MAPK4: variants seen among roughly 807,000 people sequenced by gnomAD.
MAPK4 encodes the protein mitogen-activated protein kinase 4.
Under a neutral mutation model 47.7 loss-of-function variants are expected in MAPK4, and 22 were observed. The observed-to-expected ratio is 0.46, with a 90% CI of 0.33 to 0.66. The LOEUF is 0.66. Ranked by LOEUF, MAPK4 falls within the 30% of genes least tolerant of loss-of-function variation. MAPK4 has a pLI of 0.02. For missense variants in MAPK4, 736 were observed against 831.7 expected (o/e 0.88, Z 1.42); for synonymous variants, 390 against 365.7 (o/e 1.07, Z -0.76).
At chr18:50,720,929 G>A (rs982472520) in intron 3 of MAPK4, among the ~76,000 whole-genome samples, 1 of 152,220 alleles carries the variant, frequency 6.6e-6, no homozygotes, top group African/African-American at 2.4e-5. Flanking sequence ...CTCATCCTAG[G>A]CTGGATGACT....
rs1418820752 is a variant in MAPK4, at chr18:50,605,521, T to TA, written c.-871+45279dup. 3.3e-5 allele frequency among the ~76,000 whole-genome samples: 5 copies of TA among 152,368 alleles called. No homozygotes were observed. In the East Asian group the frequency reaches 9.6e-4, roughly 29 times the overall value. ...CTTCCACCTTGCAAGAGAAACTCTT[T>TA]ATGCCCCTGCTCCTATGGCCAGCGT... On this transcript the variant is annotated intron_variant, in intron 1 of 5. Coordinates refer to ENST00000400384, the MANE Select transcript of MAPK4 (RefSeq NM_002747.4).
Position 50,729,847 on chromosome 18 carries a change from G to A in MAPK4, c.1757G>A (p.Arg586Lys). 6.2e-7 allele frequency: 1 copy of A among 1,609,770 alleles called. No homozygotes were observed. Among genetic ancestry groups the A allele is most frequent in the Non-Finnish European group, 8.5e-7 (1 of 1,178,282 alleles). The change falls in exon 6 of 6, where the codon AGG (arginine) becomes AAG (lysine). Residue 586 changes from arginine to lysine, a missense_variant. Transcript: ENST00000400384. ...CAGACCGAGGCCTTCTCCAAAGAAA[G>A]GTGGTGAGGGCGGAGGGGCCGCTCC... is the stretch of plus-strand genomic sequence containing the variant. ...LVQTEAFSKE[R>K]W is the part of the protein sequence containing the mutation.
intron 1 of MAPK4, among the ~76,000 whole-genome samples, chr18:50,655,390 C>G (rs547672127): frequency 2.6e-5 from 4 of 152,152 alleles, no homozygotes; most frequent in African/African-American, 9.6e-5. Flanking sequence ...GGGAGTGGTG[C>G]TGGGCATGAG....
At chr18:50,669,751 C>T (rs1196932940) in intron 2 of MAPK4, 1 of 152,258 alleles carries the variant, frequency 6.6e-6, no homozygotes, top group African/African-American at 2.4e-5. Context: ...TGGTATAATA[C>T]AAGTTACTTT....
In MAPK4 at chr18:50,681,117, GGT is replaced by G. The variant is rs543981806; in HGVS notation, c.546+16616_546+16617del. Among the ~76,000 whole-genome samples, 8 of 152,016 alleles carry G rather than the reference GGT, an allele frequency of 5.3e-5. No individual in the cohort carries two copies. The South Asian group carries it at 1.7e-3, about 32-fold the overall frequency. ...TTAGCCATCCTAGTGGATGTGAAGT[GGT>G]GTTTCATTGTGGTTTTGATTTGCAT... On this transcript the variant is annotated intron_variant, in intron 2 of 5. Transcript: ENST00000400384.
chr18:50,630,482 T>C (rs1288003896), intron 1 of MAPK4, among the ~76,000 whole-genome samples: 1 of 152,138 alleles, frequency 6.6e-6, no homozygotes, highest in Non-Finnish European at 1.5e-5. Flanking sequence ...AGCCACTGCA[T>C]CTGGCCTGTT....
chr18:50,646,953 T>C (rs982664938), intron 1 of MAPK4, among the ~76,000 whole-genome samples: 5 of 152,344 alleles, frequency 3.3e-5, no homozygotes, highest in Non-Finnish European at 7.3e-5. Context: ...TCCTGTACTT[T>C]TCCATCATAT....
chr18:50,561,350 A>G (rs1358902255), intron 1 of MAPK4, among the ~76,000 whole-genome samples: 1 of 152,182 alleles, frequency 6.6e-6, no homozygotes, highest in Non-Finnish European at 1.5e-5. Context: ...ATCTTAAATA[A>G]CCTTAATGTA....
chr18:50,650,900 G>A (rs1380053255), intron 1 of MAPK4, among the ~76,000 whole-genome samples: 1 of 152,240 alleles, frequency 6.6e-6, no homozygotes, highest in East Asian at 1.9e-4. Context: ...TTTGCTGGCT[G>A]GATCAGGTTC....
chr18:50,706,717 C>T (rs1910078189), intron 2 of MAPK4, among the ~76,000 whole-genome samples: 1 of 152,132 alleles, frequency 6.6e-6, no homozygotes, highest in Non-Finnish European at 1.5e-5. Flanking sequence ...TGCTAATGCC[C>T]CACAGAGGAG....
chr18:50,708,190 T>A (rs988306447), intron 2 of MAPK4, among the ~76,000 whole-genome samples: 2 of 152,014 alleles, frequency 1.3e-5, no homozygotes, highest in African/African-American at 4.8e-5. Context: ...TTAAAAAAGG[T>A]TTCTCACGTG....
chr18:50,683,464 G>GTGTGTA (rs931248919), intron 2 of MAPK4, among the ~76,000 whole-genome samples: 1 of 151,390 alleles, frequency 6.6e-6, no homozygotes, highest in African/African-American at 2.4e-5. Flanking sequence ...GTGTGTGTGT[G>GTGTGTA]TGTGTGTGTG....
At chr18:50,667,519 G>A (rs986796140) in intron 2 of MAPK4, among the ~76,000 whole-genome samples, 4 of 152,156 alleles carry the variant, frequency 2.6e-5, no homozygotes, top group Admixed American at 1.3e-4. Context: ...TGTGCTTGGA[G>A]GATGCTGTCT....
At chr18:50,626,963 T>C (rs1263410600) in intron 1 of MAPK4, among the ~76,000 whole-genome samples, 1 of 152,108 alleles carries the variant, frequency 6.6e-6, no homozygotes, top group African/African-American at 2.4e-5. Flanking sequence ...GCAAGACAAA[T>C]GGGTGTTGTC....
chr18:50,590,112 CCT>C (rs1039978765), intron 1 of MAPK4, among the ~76,000 whole-genome samples: 1 of 152,166 alleles, frequency 6.6e-6, no homozygotes, highest in African/African-American at 2.4e-5. Flanking sequence ...AGTGTTTCTC[CCT>C]GTCTTCCACA....
At chr18:50,631,892 A>G (rs928067057) in intron 1 of MAPK4, among the ~76,000 whole-genome samples, 8 of 152,272 alleles carry the variant, frequency 5.3e-5, no homozygotes, top group African/African-American at 1.9e-4. Context: ...AATCTTTATC[A>G]GCAAGGAACA....
chr18:50,713,255 A>G (rs1171165658), intron 2 of MAPK4, among the ~76,000 whole-genome samples: 2 of 152,246 alleles, frequency 1.3e-5, no homozygotes, highest in Non-Finnish European at 2.9e-5. Context: ...TGTAAATTAT[A>G]CTTCAATAAA....
In MAPK4 at chr18:50,713,680, G is replaced by C. The variant is rs188740509; in HGVS notation, c.547-1399G>C. Among the ~76,000 whole-genome samples, 110 of 152,374 alleles carry C rather than the reference G, an allele frequency of 7.2e-4. 1 individual carries two copies. Among genetic ancestry groups the C allele is most frequent in the South Asian group, 2.3e-3 (11 of 4,830 alleles). Reference sequence around the variant, plus strand: ...ACAGCAACAAAACAAGGAAACTTCTGAGAGGAAGCTGGCCTGAGCGTGTCA... The same window carrying C: ...ACAGCAACAAAACAAGGAAACTTCTCAGAGGAAGCTGGCCTGAGCGTGTCA... On this transcript the variant is annotated intron_variant, in intron 2 of 5. Transcript: ENST00000400384.
At chr18:50,691,259 G>T (rs1035849710) in intron 2 of MAPK4, among the ~76,000 whole-genome samples, 1 of 152,090 alleles carries the variant, frequency 6.6e-6, no homozygotes, top group Admixed American at 6.5e-5. Flanking sequence ...CTCCCAGAGT[G>T]CTGGGATTAC....
Sources: gnomAD v4.1 joint callset for allele counts (sites outside exome capture counted in the v4.1 genomes callset) on GRCh38, gnomAD v4.1.1 for gene constraint, MANE v1.5 for transcripts, NCBI Gene and HGNC (gene_info 2026-07-23, HGNC 2026-07-21) for gene names.